The following FAM193A variants were observed in gnomAD, a reference collection of about 807,000 sequenced individuals.
FAM193A encodes the protein protein FAM193A.
Under a neutral mutation model 126.5 loss-of-function variants are expected in FAM193A, and 22 were observed. The ratio of observed to expected loss-of-function variants is 0.17; its 90% CI spans 0.12 to 0.25. The LOEUF is 0.25. Ranked by LOEUF, FAM193A falls within the 10% of genes least tolerant of loss-of-function variation. The probability of loss-of-function intolerance (pLI) is 1.00; values close to 1 mark genes in which losing one functional copy is unlikely to be tolerated. For missense variants in FAM193A, 1,675 were observed against 1,672.8 expected, an observed-to-expected ratio of 1.00 and a Z score of -0.02; for synonymous variants, 761 against 646.8, an observed-to-expected ratio of 1.18 and a Z score of -2.68.
chr4:2,721,227 G>A (rs1330676058), intron 20 of FAM193A, among the ~76,000 whole-genome samples: 5 of 149,804 alleles, frequency 3.3e-5, no homozygotes. Context: ...GCAGGAGAAT[G>A]GCGTGAACCT....
intron 17 of FAM193A, among the ~76,000 whole-genome samples, chr4:2,695,510 T>G (rs1304711851): frequency 6.6e-6 from 1 of 152,234 alleles, no homozygotes; most frequent in Non-Finnish European, 1.5e-5. Flanking sequence ...CTTGTCCATC[T>G]TTCCAGAGCT....
At chr4:2,541,507 G>A (rs1380305064) in intron 1 of FAM193A, among the ~76,000 whole-genome samples, 1 of 147,952 alleles carries the variant, frequency 6.8e-6, no homozygotes, top group Non-Finnish European at 1.5e-5. Context: ...GAGCAGTGGC[G>A]TGATCTTGAC....
intron 13 of FAM193A, among the ~76,000 whole-genome samples, chr4:2,676,619 T>A (rs750608831): frequency 6.6e-6 from 1 of 152,194 alleles, no homozygotes; most frequent in Non-Finnish European, 1.5e-5. Context: ...CTTTTTACTC[T>A]GTCGATAGTG....
chr4:2,582,460 C>T (rs939874529), intron 1 of FAM193A, among the ~76,000 whole-genome samples: 1 of 152,122 alleles, frequency 6.6e-6, no homozygotes, highest in Non-Finnish European at 1.5e-5. Context: ...TTCCTTCCTT[C>T]TCCTTCCCTC....
chr4:2,559,546 T>C (rs1316124975), intron 1 of FAM193A, among the ~76,000 whole-genome samples: 1 of 152,222 alleles, frequency 6.6e-6, no homozygotes, highest in Non-Finnish European at 1.5e-5. Flanking sequence ...TCCTCCCACC[T>C]TGGTCTCCCA....
rs748382598 is a variant in FAM193A, at chr4:2,700,060, T to C, written c.3888T>C (p.Ala1296=). ...PRPGLGADGD[A]ADPVDTRDSK... ...CAGGGCTAGGGGCTGATGGGGATGC[T>C]GCAGACCCCGTCGACACCAGAGACT... Residue 1296 remains alanine, a synonymous_variant, in exon 19 of 21, where the codon GCT becomes GCC. Coordinates refer to ENST00000637812, the MANE Select transcript of FAM193A (RefSeq NM_001366318.2). 9.9e-6 allele frequency: 16 copies of C among 1,613,754 alleles called. 1 individual carries two copies. Among genetic ancestry groups the C allele is most frequent in the Non-Finnish European group, 1.4e-5 (16 of 1,180,002 alleles).
chr4:2,721,988 C>T (rs1720217643), intron 20 of FAM193A, among the ~76,000 whole-genome samples: 1 of 152,166 alleles, frequency 6.6e-6, no homozygotes, highest in South Asian at 2.1e-4. Flanking sequence ...CAGTGCAGTT[C>T]CCTCGATATG....
chr4:2,712,217 T>A (rs946080401), intron 19 of FAM193A, among the ~76,000 whole-genome samples: 4 of 152,218 alleles, frequency 2.6e-5, no homozygotes, highest in African/African-American at 9.7e-5. Context: ...TGTACGTATG[T>A]ATTTACATAT....
Position 2,690,915 on chromosome 4 carries a change from A to G in FAM193A, c.2748A>G (p.Thr916=), listed in dbSNP as rs751090027. The change falls in exon 15 of 21, where the codon ACA becomes ACG. Residue 916 remains threonine (T), a synonymous_variant. Coordinates refer to ENST00000637812, the MANE Select transcript of FAM193A (RefSeq NM_001366318.2). The stretch of plus-strand genomic sequence containing the variant: ...CCTCTGTGTCCTGCACAGCTACCAC[A>G]GTGCAGTCCAGCAACAGCCAGTTCA... ...ATSSVSCTAT[T]VQSSNSQFRV... 21 of 1,613,910 alleles carry G rather than the reference A, an allele frequency of 1.3e-5. No individual in the cohort carries two copies. The South Asian group carries it at 1.8e-4, about 13-fold the overall frequency.
At chr4:2,661,798 T>C (rs1382579553) in intron 10 of FAM193A, among the ~76,000 whole-genome samples, 1 of 152,170 alleles carries the variant, frequency 6.6e-6, no homozygotes, top group African/African-American at 2.4e-5. Flanking sequence ...TGGAGCATCT[T>C]ATTGCACTGA....
At chr4:2,616,186 G>A (rs567239593) in intron 2 of FAM193A, among the ~76,000 whole-genome samples, 57 of 152,132 alleles carry the variant, frequency 3.7e-4, no homozygotes, top group Admixed American at 5.9e-4. Flanking sequence ...TTACCATTTA[G>A]CACTGTTATT....
chr4:2,589,101 T>C (rs1247622040), intron 1 of FAM193A, among the ~76,000 whole-genome samples: 1 of 152,236 alleles, frequency 6.6e-6, no homozygotes, highest in Non-Finnish European at 1.5e-5. Context: ...GATATTTGTT[T>C]TCTTCTGGAT....
intron 2 of FAM193A, among the ~76,000 whole-genome samples, 155 bp downstream of exon 2, chr4:2,596,484 G>T (rs559180527): frequency 1.3e-5 from 2 of 152,170 alleles, no homozygotes; most frequent in African/African-American, 4.8e-5. Context: ...CGTTCCTCCT[G>T]GTCTTCCCTG....
chr4:2,675,423 A>T (rs759054943), intron 13 of FAM193A, among the ~76,000 whole-genome samples: 3 of 152,042 alleles, frequency 2.0e-5, no homozygotes, highest in Non-Finnish European at 4.4e-5. Flanking sequence ...AAAGTTTGAT[A>T]CTCTGTTATT....
chr4:2,566,092 G>C (rs1356543614), intron 1 of FAM193A, among the ~76,000 whole-genome samples: 2 of 150,470 alleles, frequency 1.3e-5, no homozygotes, highest in Admixed American at 6.6e-5. Context: ...CTGTCGCCCA[G>C]ACTGGAGTGC....
intron 1 of FAM193A, among the ~76,000 whole-genome samples, chr4:2,576,166 G>A (rs1739575794): frequency 6.6e-6 from 1 of 151,948 alleles, no homozygotes; most frequent in African/African-American, 2.4e-5. Flanking sequence ...GCACGATCTC[G>A]GCTCACTGCA....
At chr4:2,726,437 G>T (rs1720753576) in intron 20 of FAM193A, among the ~76,000 whole-genome samples, 1 of 152,016 alleles carries the variant, frequency 6.6e-6, no homozygotes, top group African/African-American at 2.4e-5. Context: ...TTCTAAAGAG[G>T]CAAGAGATTT....
intron 12 of FAM193A, among the ~76,000 whole-genome samples, 182 bp from the exon 13 acceptor site, chr4:2,671,939 A>G (rs1381366828): frequency 6.6e-6 from 1 of 152,196 alleles, no homozygotes; most frequent in Admixed American, 6.5e-5. Context: ...CGTCTTCTTC[A>G]GTCTCAGTCT....
chr4:2,731,753 GT>G, intron 20 of FAM193A, 21 bp from the exon 21 acceptor site: 1 of 1,598,692 alleles, frequency 6.3e-7, no homozygotes, highest in East Asian at 2.2e-5. Context: ...TTCAGTGACT[GT>G]TTGGCTTTTT....
Sources: gnomAD v4.1 joint callset for allele counts (sites outside exome capture counted in the v4.1 genomes callset) on GRCh38, gnomAD v4.1.1 for gene constraint, MANE v1.5 for transcripts, NCBI Gene and HGNC (gene_info 2026-07-23, HGNC 2026-07-21) for gene names.